Variants in MGRN1 observed in about 807,000 individuals in gnomAD.
MGRN1 encodes E3 ubiquitin-protein ligase MGRN1.
In MGRN1, 29 loss-of-function variants were observed where a neutral mutation model predicts 69.2. The observed-to-expected ratio is 0.42, with a 90% CI of 0.31 to 0.57. The LOEUF (loss-of-function observed/expected upper bound fraction) is 0.57, where lower values mean the gene tolerates loss of function less well. MGRN1 is among the 20% of genes least tolerant of loss of function. MGRN1 has a pLI of 0.15. For synonymous variants in MGRN1, 470 were observed against 344.2 expected, an observed-to-expected ratio of 1.37 and a Z score of -4.04; for missense variants, 998 against 796.2, an observed-to-expected ratio of 1.25 and a Z score of -3.05.
chr16:4,642,489 T>G (rs946170868), intron 1 of MGRN1, among the ~76,000 whole-genome samples: 2 of 151,400 alleles, frequency 1.3e-5, no homozygotes, highest in Non-Finnish European at 3.0e-5. Context: ...TGTGTGTGTG[T>G]GTGTGTGTGT....
intron 4 of MGRN1, among the ~76,000 whole-genome samples, chr16:4,656,361 C>T (rs2078537949): frequency 6.6e-6 from 1 of 152,220 alleles, no homozygotes; most frequent in Non-Finnish European, 1.5e-5. Context: ...TCACAGGACA[C>T]AGCCCCTGAT....
chr16:4,661,933 A>G (rs1418248558), intron 5 of MGRN1, among the ~76,000 whole-genome samples: 2 of 152,198 alleles, frequency 1.3e-5, no homozygotes, highest in African/African-American at 4.8e-5. Context: ...GATGGCAGGA[A>G]GCTGCGGTAG....
At chr16:4,628,550 T>G (rs1042333015) in intron 1 of MGRN1, among the ~76,000 whole-genome samples, 1 of 152,074 alleles carries the variant, frequency 6.6e-6, no homozygotes, top group Non-Finnish European at 1.5e-5. Flanking sequence ...GCGATCTGCT[T>G]TCTTTTTTCT....
At chr16:4,637,140 A>C (rs891203046) in intron 1 of MGRN1, among the ~76,000 whole-genome samples, 11 of 149,116 alleles carry the variant, frequency 7.4e-5, no homozygotes, top group Non-Finnish European at 1.5e-4. Flanking sequence ...AAAAAAAAAA[A>C]ATTGAGTGGC....
intron 1 of MGRN1, among the ~76,000 whole-genome samples, chr16:4,630,740 C>T (rs545570031): frequency 1.3e-5 from 2 of 149,018 alleles, no homozygotes; most frequent in Admixed American, 6.7e-5. Context: ...CCGCTGTGCC[C>T]GGCCTTTTCT....
Position 4,682,901 on chromosome 16 carries a change from A to C in MGRN1, c.1437A>C (p.Pro479=). ...KLSEDVDAPP[P]LGGAELALRE... is the part of the protein sequence containing the mutation. Reference sequence around the variant, plus strand: ...CCGAGGACGTGGACGCCCCTCCCCCACTGGGTGGCGCAGAGCTGGCCCTGC... The same window carrying C: ...CCGAGGACGTGGACGCCCCTCCCCCCCTGGGTGGCGCAGAGCTGGCCCTGC... Residue 479 remains proline, a synonymous_variant, in exon 14 of 17, where the codon CCA becomes CCC. Transcript: ENST00000262370. 6.2e-7 allele frequency: 1 copy of C among 1,608,360 alleles called. No individual in the cohort carries two copies. The highest frequency in any genetic ancestry group is 8.5e-7 in the Non-Finnish European group (1 of 1,176,474).
In MGRN1 at chr16:4,657,258, G is replaced by C; in HGVS notation, c.456G>C (p.Lys152Asn). 6.2e-7 allele frequency: 1 copy of C among 1,613,946 alleles called. No individual in the cohort carries two copies. The highest frequency in any genetic ancestry group is 8.5e-7 in the Non-Finnish European group (1 of 1,179,852). The change falls in exon 5 of 17, where the codon AAG becomes AAC. Residue 152 changes from lysine to asparagine, a missense_variant. Transcript: ENST00000262370. ...TGGCTCCCTGCAGATACAGCCCCAA[G>C]AGCCCCTCGCTACAGTCCGAGACCG... Reference protein sequence around the residue: ...FLNGRAVYSPKSPSLQSETVH... With the variant: ...FLNGRAVYSPNSPSLQSETVH...
intron 1 of MGRN1, among the ~76,000 whole-genome samples, chr16:4,641,935 G>A (rs1367587493): frequency 1.3e-4 from 20 of 151,872 alleles, no homozygotes; most frequent in Admixed American, 1.2e-3. Flanking sequence ...GATTATAGGC[G>A]TGAGCCCCCT....
At position 4,651,903 on chromosome 16, in the gene MGRN1, G is replaced by A. The variant is rs564116130; in HGVS notation, c.208-60G>A. Reference sequence around the variant, plus strand: ...GGCTGTGGCTGCTGCACCCTGACCCGTTTTCTGTTGTTGGCTGCTCCTGAG... The same window carrying A: ...GGCTGTGGCTGCTGCACCCTGACCCATTTTCTGTTGTTGGCTGCTCCTGAG... On this transcript the variant is annotated intron_variant, in intron 2 of 16. Coordinates refer to ENST00000262370, the MANE Select transcript of MGRN1 (RefSeq NM_015246.4). 3.7e-4 allele frequency: 561 copies of A among 1,511,640 alleles called. 2 individuals carry two copies. In the African/African-American group the frequency reaches 6.1e-3, roughly 16 times the overall value. 93.6% of individuals were successfully genotyped at this position (1,511,640 alleles called of 1,614,324 possible). A position where few individuals can be genotyped will look rare whatever the true frequency, so the allele number is the denominator to read the frequency against.
Position 4,652,746 on chromosome 16 carries a change from T to G in MGRN1, c.365T>G (p.Phe122Cys), listed in dbSNP as rs773333527. ...CCCCGGGTGCTCTACAGCCTGGAGTTCACCTTCGACGCCGATGCCCGCGTG... is the reference window on the plus strand; with the variant it reads ...CCCCGGGTGCTCTACAGCCTGGAGTGCACCTTCGACGCCGATGCCCGCGTG... The part of the protein sequence containing the change: ...DKPRVLYSLE[F>C]TFDADARVAI... The change falls in exon 4 of 17, where the codon TTC becomes TGC. Residue 122 changes from phenylalanine (F) to cysteine (C), a missense_variant. Phe to Cys is a radical substitution (Grantham distance 205). Coordinates refer to ENST00000262370, the MANE Select transcript of MGRN1 (RefSeq NM_015246.4). 1 of 1,613,126 alleles carries G rather than the reference T, an allele frequency of 6.2e-7. No individual in the cohort carries two copies.
rs1439252960 is a variant in MGRN1 at position 4,690,376 on chromosome 16, G to A, written c.*1468G>A. The A allele has an allele frequency of 2.6e-5, 4 of 152,118 alleles. No individual in the cohort carries two copies. Among genetic ancestry groups the A allele is most frequent in the Non-Finnish European group, 4.4e-5 (3 of 68,056 alleles). 9.4% of individuals were successfully genotyped at this position (152,118 alleles called of 1,614,324 possible). On this transcript the variant is annotated 3_prime_UTR_variant, in exon 17 of 17. Coordinates refer to ENST00000262370, the MANE Select transcript of MGRN1 (RefSeq NM_015246.4). ...AGGGCTGCCCTGCAGCTGGGCCTGGGGACAGGTCGGCTGTGGGGCAGCTCA... is the reference window on the plus strand; with the variant it reads ...AGGGCTGCCCTGCAGCTGGGCCTGGAGACAGGTCGGCTGTGGGGCAGCTCA...
At chr16:4,633,500 T>C (rs1171966020) in intron 1 of MGRN1, 1 of 150,908 alleles carries the variant, frequency 6.6e-6, no homozygotes, top group Admixed American at 6.6e-5. Context: ...GAGACCAGAC[T>C]GACCAAGATG....
chr16:4,674,929 C>G (rs942145419), intron 10 of MGRN1, among the ~76,000 whole-genome samples: 78 of 151,488 alleles, frequency 5.1e-4, no homozygotes, highest in African/African-American at 1.8e-3. Context: ...CGTGAGCCAC[C>G]GCGCCTGGCC....
intron 16 of MGRN1, chr16:4,687,338 C>G (rs2079349432): frequency 1.0e-6 from 1 of 969,068 alleles, no homozygotes; most frequent in South Asian, 4.8e-5. Flanking sequence ...CACTTGAGCC[C>G]AGGAATTCAA....
chr16:4,680,272 C>G (rs2079150702), intron 12 of MGRN1, 175 bp downstream of exon 12: 1 of 652,710 alleles, frequency 1.5e-6, no homozygotes, highest in African/African-American at 1.9e-5. Context: ...CGGAAAAGCT[C>G]TCGGTCCGTG....
At chr16:4,682,587 G>A (rs1224684540) in intron 13 of MGRN1, among the ~76,000 whole-genome samples, 1 of 152,204 alleles carries the variant, frequency 6.6e-6, no homozygotes, top group East Asian at 1.9e-4. Flanking sequence ...AGGAAGGCTA[G>A]GCCCGTGCCA....
At chr16:4,672,876 T>C (rs150172147) in intron 9 of MGRN1, among the ~76,000 whole-genome samples, 112 of 152,318 alleles carry the variant, frequency 7.4e-4, no homozygotes, top group Non-Finnish European at 1.1e-3. Context: ...CTTGCTCTGT[T>C]GCCCAGGCTG....
intron 4 of MGRN1, among the ~76,000 whole-genome samples, chr16:4,656,103 C>T (rs1273532412): frequency 6.6e-6 from 1 of 152,208 alleles, no homozygotes; most frequent in Admixed American, 6.5e-5. Flanking sequence ...TGGCCACAGG[C>T]AAGCAGGGCG....
At chr16:4,687,207 T>TCC (rs75241973) in intron 16 of MGRN1, 22,732 of 984,480 alleles carry the variant, frequency 0.023, 296 homozygotes, top group Non-Finnish European at 0.025. Context: ...GCATCCCCCA[T>TCC]CCCCCCCAAG....
Sources: allele counts gnomAD v4.1 joint callset (sites outside exome capture counted in the v4.1 genomes callset), GRCh38; gene constraint gnomAD v4.1.1; transcripts MANE v1.5; gene names NCBI Gene and HGNC (gene_info 2026-07-23, HGNC 2026-07-21).